C5orf47: variants seen among roughly 807,000 people sequenced by gnomAD.
The protein encoded by C5orf47 is uncharacterized protein C5orf47.
In C5orf47, 20 loss-of-function variants were observed where a neutral mutation model predicts 20.6. The ratio of observed to expected loss-of-function variants is 0.97; its 90% CI spans 0.68 to 1.41. The LOEUF (loss-of-function observed/expected upper bound fraction) is 1.41, where lower values mean the gene tolerates loss of function less well. Ranked by LOEUF, C5orf47 falls within the 40% of genes most tolerant of loss-of-function variation. The probability of loss-of-function intolerance (pLI) is 0.00; values close to 1 mark genes in which losing one functional copy is unlikely to be tolerated. For missense variants in C5orf47, 262 were observed against 238.4 expected, an observed-to-expected ratio of 1.10 and a Z score of -0.65; for synonymous variants, 106 against 97.3, an observed-to-expected ratio of 1.09 and a Z score of -0.53.
chr5:173,998,117 A>G lies in C5orf47; in HGVS notation c.326-36A>G, dbSNP rs574049735. The G allele has an allele frequency of 3.8e-5, 45 of 1,191,814 alleles. No individual in the cohort carries two copies. The South Asian group carries it at 4.8e-4, about 13-fold the overall frequency. The allele number at this position is 1,191,814 out of a possible 1,614,324, so 73.8% of individuals were successfully genotyped here. A position where few individuals can be genotyped will look rare whatever the true frequency, so the allele number is the denominator to read the frequency against. Reference sequence around the variant, plus strand: ...CTATTTTCAGATAGTAAATCCTTATATATGTTGACCTTTTCACTTTCTTCT... The same window carrying G: ...CTATTTTCAGATAGTAAATCCTTATGTATGTTGACCTTTTCACTTTCTTCT... On this transcript the variant is annotated intron_variant, in intron 1 of 4. Coordinates refer to ENST00000340147, the MANE Select transcript of C5orf47 (RefSeq NM_001144954.2).
chr5:173,989,548 A>T lies in C5orf47; in HGVS notation c.285A>T (p.Ala95=). 1 of 1,515,950 alleles carries T rather than the reference A, an allele frequency of 6.6e-7. No homozygotes were observed. Among genetic ancestry groups the T allele is most frequent in the Non-Finnish European group, 8.8e-7 (1 of 1,131,956 alleles). 93.9% of individuals were successfully genotyped at this position (1,515,950 alleles called of 1,614,324 possible). The change falls in exon 1 of 5, where the codon GCA becomes GCT. Residue 95 remains alanine (A), a synonymous_variant. Transcript: ENST00000340147. ...AAASASSQLR[A]SRVQSGTRQS... ...CCTCTGCCTCCTCCCAGCTGCGGGC[A>T]TCGAGAGTTCAGAGCGGCACCAGAC... is the stretch of plus-strand genomic sequence containing the variant.
intron 4 of C5orf47, among the ~76,000 whole-genome samples, chr5:174,002,567 A>T (rs1319509): frequency 2.0e-5 from 3 of 150,768 alleles, no homozygotes; most frequent in Non-Finnish European, 4.4e-5. Context: ...CTGTTTTTTA[A>T]CATCTTGCCA....
At chr5:173,999,653 T>C (rs1759161218) in intron 2 of C5orf47, 47 bp from the exon 3 acceptor site, 3 of 892,388 alleles carry the variant, frequency 3.4e-6, no homozygotes, top group Non-Finnish European at 5.0e-6. Context: ...GAAAATATAT[T>C]CCTACTTTTC....
chr5:173,989,179 C>A lies in C5orf47; in HGVS notation c.-85C>A. 4 of 1,249,272 alleles carry A rather than the reference C, an allele frequency of 3.2e-6. No homozygotes were observed. Among genetic ancestry groups the A allele is most frequent in the Non-Finnish European group, 4.1e-6 (4 of 981,512 alleles). 77.4% of individuals were successfully genotyped at this position (1,249,272 alleles called of 1,614,324 possible). ...AGGGTGGTCTGGCCCTAACCGCTCC[C>A]GCATCCCTCGCCTGCACAGTGGGCA... On this transcript the variant is annotated 5_prime_UTR_variant, in exon 1 of 5. Transcript: ENST00000340147.
In C5orf47 at chr5:174,005,533, C is replaced by T. The variant is rs1419591702; in HGVS notation, c.*1279C>T. On this transcript the variant is annotated 3_prime_UTR_variant, in exon 5 of 5. Coordinates refer to ENST00000340147, the MANE Select transcript of C5orf47 (RefSeq NM_001144954.2). ...GGGGAAATGGCCTCGGTTTTTTTGC[C>T]ATGTAGGCTCTCAAGTTTCCCTGCA... is the stretch of plus-strand genomic sequence containing the variant. The T allele has an allele frequency of 6.6e-6, 1 of 152,106 alleles. No homozygotes were observed. The highest frequency in any genetic ancestry group is 2.4e-5 in the African/African-American group (1 of 41,366). 9.4% of individuals were successfully genotyped at this position (152,106 alleles called of 1,614,324 possible).
At chr5:173,994,072 G>A (rs1044719055) in intron 1 of C5orf47, among the ~76,000 whole-genome samples, 2 of 152,224 alleles carry the variant, frequency 1.3e-5, no homozygotes, top group Non-Finnish European at 2.9e-5. Flanking sequence ...AGAAGTGGTA[G>A]TTGGTTGGCA....
chr5:173,992,835 T>C (rs1318869236), intron 1 of C5orf47, among the ~76,000 whole-genome samples: 14 of 152,248 alleles, frequency 9.2e-5, no homozygotes, highest in Non-Finnish European at 2.1e-4. Flanking sequence ...CTTCATTTTA[T>C]GGATGTTACT....
chr5:173,990,093 C>A (rs1396805959), intron 1 of C5orf47, among the ~76,000 whole-genome samples: 2 of 151,672 alleles, frequency 1.3e-5, no homozygotes, highest in African/African-American at 4.8e-5. Context: ...TTACGAAATG[C>A]CCTCTAAATG....
At chr5:174,001,317 T>A in intron 4 of C5orf47, 86 bp downstream of exon 4, 1 of 737,216 alleles carries the variant, frequency 1.4e-6, no homozygotes, top group Admixed American at 2.8e-5. Context: ...CATTAGTGTA[T>A]AACCAATCAT....
rs996622083 is a variant in C5orf47, at chr5:174,005,548, G to A, written c.*1294G>A. 3 of 152,372 alleles carry A rather than the reference G, an allele frequency of 2.0e-5. No homozygotes were observed. Among genetic ancestry groups the A allele is most frequent in the Admixed American group, 1.3e-4 (2 of 15,294 alleles). The allele number at this position is 152,372 out of a possible 1,614,324, so 9.4% of individuals were successfully genotyped here. On this transcript the variant is annotated 3_prime_UTR_variant, in exon 5 of 5. Coordinates refer to ENST00000340147, the MANE Select transcript of C5orf47 (RefSeq NM_001144954.2). ...GTTTTTTTGCCATGTAGGCTCTCAA[G>A]TTTCCCTGCATTGAGGGTCACACAA...
At chr5:173,992,232 ATT>A (rs112978271) in intron 1 of C5orf47, among the ~76,000 whole-genome samples, 36 of 137,052 alleles carry the variant, frequency 2.6e-4, no homozygotes, top group African/African-American at 4.3e-4. Flanking sequence ...TATTTTGTTA[ATT>A]TTTTTTTTTT....
chr5:173,998,115 A>G lies in C5orf47; in HGVS notation c.326-38A>G, dbSNP rs1406696760. On this transcript the variant is annotated intron_variant, in intron 1 of 4. Coordinates refer to ENST00000340147, the MANE Select transcript of C5orf47 (RefSeq NM_001144954.2). ...CTCTATTTTCAGATAGTAAATCCTT[A>G]TATATGTTGACCTTTTCACTTTCTT... The G allele has an allele frequency of 3.4e-6, 4 of 1,170,064 alleles. No homozygotes were observed. In the South Asian group the frequency reaches 4.2e-5, roughly 12 times the overall value. 72.5% of individuals were successfully genotyped at this position (1,170,064 alleles called of 1,614,324 possible). A position where few individuals can be genotyped will look rare whatever the true frequency, so the allele number is the denominator to read the frequency against.
chr5:174,000,654 C>T (rs1450093706), intron 3 of C5orf47, among the ~76,000 whole-genome samples: 5 of 151,980 alleles, frequency 3.3e-5, no homozygotes, highest in Non-Finnish European at 7.4e-5. Flanking sequence ...AACAGAATGC[C>T]ATTTTGCAAG....
rs1758928852 is a variant in C5orf47 at position 173,989,287 on chromosome 5, G to C, written c.24G>C (p.Arg8=). 1 of 1,389,114 alleles carries C rather than the reference G, an allele frequency of 7.2e-7. No individual in the cohort carries two copies. The highest frequency in any genetic ancestry group is 2.9e-5 in the East Asian group (1 of 34,024). The allele number at this position is 1,389,114 out of a possible 1,614,324, so 86.0% of individuals were successfully genotyped here. ...CGATGGCGGCGGCAGGCCGGGGTCGGGAGCAGGACTCGGCGCGCTTCGTCT... is the reference window on the plus strand; with the variant it reads ...CGATGGCGGCGGCAGGCCGGGGTCGCGAGCAGGACTCGGCGCGCTTCGTCT... The part of the protein sequence containing the change: MAAAGRG[R]EQDSARFVYV... The change falls in exon 1 of 5, where the codon CGG becomes CGC. Residue 8 remains arginine (R), a synonymous_variant. Transcript: ENST00000340147.
In C5orf47 at chr5:173,989,347, C is replaced by A; in HGVS notation, c.84C>A (p.Gly28=). The change falls in exon 1 of 5, where the codon GGC becomes GGA. Residue 28 remains glycine, a synonymous_variant. Coordinates refer to ENST00000340147, the MANE Select transcript of C5orf47 (RefSeq NM_001144954.2). ...GCTTCGGCTCGCATCAGTGCAGTGG[C>A]GTCCTGCAACTGGGCGGCCGTGGAG... is the stretch of plus-strand genomic sequence containing the variant. ...VTRFGSHQCS[G]VLQLGGRGAQ... is the part of the protein sequence containing the mutation. The A allele has an allele frequency of 6.7e-7, 1 of 1,500,834 alleles. No homozygotes were observed. Among genetic ancestry groups the A allele is most frequent in the Non-Finnish European group, 8.9e-7 (1 of 1,121,056 alleles). 93.0% of individuals were successfully genotyped at this position (1,500,834 alleles called of 1,614,324 possible). A position where few individuals can be genotyped will look rare whatever the true frequency, so the allele number is the denominator to read the frequency against.
Position 173,991,520 on chromosome 5 carries a change from T to A in C5orf47, c.325+1932T>A, listed in dbSNP as rs186824966. 4.9e-3 allele frequency among the ~76,000 whole-genome samples: 747 copies of A among 151,646 alleles called. 6 individuals carry two copies. Among genetic ancestry groups the A allele is most frequent in the African/African-American group, 0.017 (696 of 41,432 alleles). ...TTTTCAGTGTTTGTTTTTTTTTTTTTATCATGAATGGGTGTTGATTTTTGT... is the reference window on the plus strand; with the variant it reads ...TTTTCAGTGTTTGTTTTTTTTTTTTAATCATGAATGGGTGTTGATTTTTGT... On this transcript the variant is annotated intron_variant, in intron 1 of 4. Coordinates refer to ENST00000340147, the MANE Select transcript of C5orf47 (RefSeq NM_001144954.2).
At chr5:174,002,446 G>T (rs939336816) in intron 4 of C5orf47, among the ~76,000 whole-genome samples, 3 of 152,116 alleles carry the variant, frequency 2.0e-5, no homozygotes, top group Non-Finnish European at 4.4e-5. Context: ...ATTCAGTAGG[G>T]AATGAAGAGA....
chr5:174,003,333 A>G (rs1759231424), intron 4 of C5orf47, among the ~76,000 whole-genome samples: 1 of 152,188 alleles, frequency 6.6e-6, no homozygotes, highest in African/African-American at 2.4e-5. Context: ...TGAAAAGTAA[A>G]ATGCACTCAA....
intron 1 of C5orf47, among the ~76,000 whole-genome samples, chr5:173,994,799 G>T (rs1759059277): frequency 6.6e-6 from 1 of 152,034 alleles, no homozygotes; most frequent in Non-Finnish European, 1.5e-5. Context: ...CTCAGTCTTG[G>T]GTGTACTTAA....
Sources: gnomAD v4.1 joint callset for allele counts (sites outside exome capture counted in the v4.1 genomes callset) on GRCh38, gnomAD v4.1.1 for gene constraint, MANE v1.5 for transcripts, NCBI Gene and HGNC (gene_info 2026-07-23, HGNC 2026-07-21) for gene names.